Variants in TWIST2 observed in about 807,000 individuals in gnomAD.
TWIST2 encodes the protein twist-related protein 2.
In TWIST2, 1 loss-of-function variant was observed where a neutral mutation model predicts 11.6. That is an observed-to-expected ratio of 0.09 (90% CI 0.03 to 0.41). TWIST2 has a LOEUF of 0.41. Among genes scored for constraint, TWIST2 ranks in the 10% least tolerant of loss-of-function variants. The probability of loss-of-function intolerance (pLI) is 0.98; values close to 1 mark genes in which losing one functional copy is unlikely to be tolerated. For synonymous variants in TWIST2, 87 were observed against 96.6 expected, an observed-to-expected ratio of 0.90 and a Z score of 0.58; for missense variants, 168 against 226.4, an observed-to-expected ratio of 0.74 and a Z score of 1.66.
At chr2:238,848,836 G>C (rs985624964) in intron 1 of TWIST2, 103 bp downstream of exon 1, 12 of 952,206 alleles carry the variant, frequency 1.3e-5, no homozygotes, top group African/African-American at 3.4e-5. Context: ...AGGCCCCGCG[G>C]GCCGCGGGGG....
chr2:238,896,658 T>A (rs1204212609), intron 1 of TWIST2, among the ~76,000 whole-genome samples: 1 of 151,952 alleles, frequency 6.6e-6, no homozygotes, highest in Non-Finnish European at 1.5e-5. Context: ...CCTCTGGGGG[T>A]CCTAGGAACT....
At chr2:238,875,235 C>T (rs1367091972) in intron 1 of TWIST2, among the ~76,000 whole-genome samples, 1 of 151,982 alleles carries the variant, frequency 6.6e-6, no homozygotes, top group Non-Finnish European at 1.5e-5. Context: ...GGACCCAGCT[C>T]TTTTCTTTTC....
chr2:238,896,645 A>G (rs1042296785), intron 1 of TWIST2, among the ~76,000 whole-genome samples: 4 of 152,296 alleles, frequency 2.6e-5, no homozygotes, highest in African/African-American at 9.6e-5. Context: ...GACACCCATC[A>G]ATCCTCTGGG....
chr2:238,871,165 A>C (rs1282490971), intron 1 of TWIST2, among the ~76,000 whole-genome samples: 6 of 1,830 alleles, frequency 3.3e-3, no homozygotes, highest in East Asian at 0.036. Flanking sequence ...CACACACCCC[A>C]CACACACACC....
chr2:238,886,536 C>A (rs1414506793), intron 1 of TWIST2, among the ~76,000 whole-genome samples: 1 of 151,924 alleles, frequency 6.6e-6, no homozygotes, highest in Non-Finnish European at 1.5e-5. Context: ...CGCAAGCTCA[C>A]CTCACCCCAA....
At chr2:238,882,440 C>T (rs552288376) in intron 1 of TWIST2, among the ~76,000 whole-genome samples, 14 of 152,346 alleles carry the variant, frequency 9.2e-5, no homozygotes, top group African/African-American at 2.6e-4. Context: ...GAAATGCAAA[C>T]GCCTTGTGTC....
chr2:238,871,283 T>C (rs1438422488), intron 1 of TWIST2, among the ~76,000 whole-genome samples: 3 of 8,468 alleles, frequency 3.5e-4, no homozygotes, highest in African/African-American at 5.9e-4. Flanking sequence ...ACACACCACA[T>C]CCCACACACT....
intron 1 of TWIST2, among the ~76,000 whole-genome samples, chr2:238,873,506 G>T (rs36165049): frequency 0.13 from 19,503 of 152,222 alleles, 1,436 homozygotes; most frequent in African/African-American, 0.2. Flanking sequence ...AGTGGGCAGG[G>T]GGATGGCTTC....
intron 1 of TWIST2, among the ~76,000 whole-genome samples, chr2:238,906,721 C>T (rs1693360972): frequency 6.6e-6 from 1 of 152,190 alleles, no homozygotes; most frequent in South Asian, 2.1e-4. Context: ...CATCCTCCCC[C>T]CAGTGCCTGG....
At chr2:238,900,189 T>C (rs903558743) in intron 1 of TWIST2, among the ~76,000 whole-genome samples, 2 of 152,316 alleles carry the variant, frequency 1.3e-5, no homozygotes, top group Admixed American at 1.3e-4. Flanking sequence ...TTCCTGCTTT[T>C]TCTTGGATGA....
intron 1 of TWIST2, among the ~76,000 whole-genome samples, chr2:238,855,551 C>CT (rs1468425935): frequency 3.9e-5 from 6 of 152,198 alleles, no homozygotes; most frequent in South Asian, 4.1e-4. Context: ...TTTCGCATTC[C>CT]TTGTTTTCTG....
At chr2:238,854,792 G>C (rs1244119600) in intron 1 of TWIST2, among the ~76,000 whole-genome samples, 1 of 152,192 alleles carries the variant, frequency 6.6e-6, no homozygotes, top group Non-Finnish European at 1.5e-5. Context: ...ACCTCCTAAA[G>C]GAAAGCACAG....
chr2:238,870,568 C>CACACACCA (rs1692658997), intron 1 of TWIST2, among the ~76,000 whole-genome samples: 3 of 14,462 alleles, frequency 2.1e-4, no homozygotes, highest in Non-Finnish European at 3.0e-4. Context: ...ACACCACACA[C>CACACACCA]CACACACCAC....
Position 238,902,475 on chromosome 2 carries a change from GGT to G in TWIST2, c.*36-7357_*36-7356del, listed in dbSNP as rs1347549258. Among the ~76,000 whole-genome samples, 74 of 150,924 alleles carry G rather than the reference GGT, an allele frequency of 4.9e-4. 1 individual carries two copies. The highest frequency in any genetic ancestry group is 1.7e-3 in the African/African-American group (71 of 41,010). On this transcript the variant is annotated intron_variant, in intron 1 of 1. Coordinates refer to ENST00000612363, the MANE Select transcript of TWIST2 (RefSeq NM_001271893.4). ...GTGAATTGGGGTATGTGTGGTGTGAGGTGTGTGTGTGATGTGGAGTGTGAGTG... is the reference window on the plus strand; with the variant it reads ...GTGAATTGGGGTATGTGTGGTGTGAGGTGTGTGTGATGTGGAGTGTGAGTG...
chr2:238,871,525 C>G (rs1692701917), intron 1 of TWIST2, among the ~76,000 whole-genome samples: 1 of 106,682 alleles, frequency 9.4e-6, no homozygotes, highest in African/African-American at 3.7e-5. Flanking sequence ...ACCCCCCAAA[C>G]CCCACACCCC....
intron 1 of TWIST2, among the ~76,000 whole-genome samples, chr2:238,869,387 A>G (rs554868227): frequency 1.3e-5 from 2 of 152,354 alleles, no homozygotes; most frequent in South Asian, 2.1e-4. Flanking sequence ...ACTCCTTTGT[A>G]TCGAAGAACA....
At chr2:238,873,603 T>G (rs1692750026) in intron 1 of TWIST2, among the ~76,000 whole-genome samples, 1 of 152,012 alleles carries the variant, frequency 6.6e-6, no homozygotes, top group Non-Finnish European at 1.5e-5. Flanking sequence ...CTCAGGAAGG[T>G]GCACACCGTG....
chr2:238,869,181 G>A (rs1392359516), intron 1 of TWIST2, among the ~76,000 whole-genome samples: 1 of 152,188 alleles, frequency 6.6e-6, no homozygotes, highest in Non-Finnish European at 1.5e-5. Flanking sequence ...TGGGAAATAG[G>A]TCCAAGTGCG....
intron 1 of TWIST2, among the ~76,000 whole-genome samples, chr2:238,907,132 G>GGT (rs1403695998): frequency 7.3e-4 from 111 of 152,326 alleles, no homozygotes; most frequent in African/African-American, 2.6e-3. Flanking sequence ...GGCTGGCCTG[G>GGT]GTGTGTGGCA....
Sources: gnomAD v4.1 joint callset for allele counts (sites outside exome capture counted in the v4.1 genomes callset) on GRCh38, gnomAD v4.1.1 for gene constraint, MANE v1.5 for transcripts, NCBI Gene and HGNC (gene_info 2026-07-23, HGNC 2026-07-21) for gene names.